Variants in CACNA1C observed in about 807,000 individuals in gnomAD.
The protein encoded by CACNA1C is voltage-dependent L-type calcium channel subunit alpha-1C.
CACNA1C carries 30 observed loss-of-function variants against 229.0 expected under a neutral mutation model. That is an observed-to-expected ratio of 0.13 (90% CI 0.10 to 0.18). CACNA1C has a LOEUF of 0.18. CACNA1C is among the 10% of genes least tolerant of loss of function. The pLI is 1.00. For missense variants in CACNA1C, 1,658 were observed against 2,845.0 expected (o/e 0.58, Z 9.49); for synonymous variants, 1,114 against 1,132.5 (o/e 0.98, Z 0.33).
At chr12:2,545,784 T>A (rs2099879899) in intron 9 of CACNA1C, among the ~76,000 whole-genome samples, 2 of 152,236 alleles carry the variant, frequency 1.3e-5, no homozygotes. Context: ...CTTACTTGCC[T>A]CTCATTCCCA....
chr12:2,206,764 T>C (rs556779666), intron 3 of CACNA1C, among the ~76,000 whole-genome samples: 4 of 152,238 alleles, frequency 2.6e-5, no homozygotes, highest in Non-Finnish European at 5.9e-5. Context: ...ATGCATGTAA[T>C]GGACCCATTG....
chr12:2,670,297 G>A (rs1210618705), intron 38 of CACNA1C, among the ~76,000 whole-genome samples: 3 of 152,146 alleles, frequency 2.0e-5, no homozygotes, highest in Non-Finnish European at 2.9e-5. Flanking sequence ...AACAGAAGGA[G>A]CCCCGGGCAG....
chr12:2,135,593 G>T (rs1419302850), intron 3 of CACNA1C, among the ~76,000 whole-genome samples: 2 of 136,244 alleles, frequency 1.5e-5, no homozygotes, highest in Non-Finnish European at 3.0e-5. Flanking sequence ...GCCCCTGCTG[G>T]GGGGTGCCTC....
chr12:2,010,515 G>T (rs1320393103), intron 1 of CACNA1C, among the ~76,000 whole-genome samples: 1 of 152,164 alleles, frequency 6.6e-6, no homozygotes, highest in Non-Finnish European at 1.5e-5. Flanking sequence ...CCTGGAGGGG[G>T]ACTGGGGTAA....
intron 1 of CACNA1C, among the ~76,000 whole-genome samples, chr12:2,017,651 CT>C (rs2045618800): frequency 7.3e-6 from 1 of 136,862 alleles, no homozygotes; most frequent in Non-Finnish European, 1.6e-5. Flanking sequence ...GTCAATGTAT[CT>C]TTTTTCTGTT....
At chr12:2,072,808 CA>C (rs1449008365) in intron 1 of CACNA1C, among the ~76,000 whole-genome samples, 2 of 152,162 alleles carry the variant, frequency 1.3e-5, no homozygotes, top group African/African-American at 4.8e-5. Flanking sequence ...GAACCGAAGA[CA>C]GGGCAGACTG....
chr12:2,553,935 G>C (rs1300670494), intron 10 of CACNA1C, among the ~76,000 whole-genome samples: 1 of 152,190 alleles, frequency 6.6e-6, no homozygotes, highest in Non-Finnish European at 1.5e-5. Flanking sequence ...TAAGAGCTGT[G>C]GGGGAGAGGA....
At position 2,680,235 on chromosome 12, in the gene CACNA1C, C is replaced by CA. The variant is rs35692616; in HGVS notation, c.5444+439_5444+440insA. 0.089 allele frequency: 59,280 copies of CA among 669,344 alleles called. 6,010 individuals carry two copies. The highest frequency in any genetic ancestry group is 0.38 in the African/African-American group (21,036 of 55,074). 41.5% of individuals were successfully genotyped at this position (669,344 alleles called of 1,614,324 possible). A position where few individuals can be genotyped will look rare whatever the true frequency, so the allele number is the denominator to read the frequency against. ...TGCCAGCCTCCCGGAGAGGGCATCCCCTGTGGGAGGCGCCATCTGTAGCAC... is the reference window on the plus strand; with the variant it reads ...TGCCAGCCTCCCGGAGAGGGCATCCCACTGTGGGAGGCGCCATCTGTAGCAC... On this transcript the variant is annotated intron_variant, in intron 42 of 46. Coordinates refer to ENST00000399655, the MANE Select transcript of CACNA1C (RefSeq NM_000719.7).
chr12:2,156,288 C>G (rs2095551234), intron 3 of CACNA1C, among the ~76,000 whole-genome samples: 1 of 152,054 alleles, frequency 6.6e-6, no homozygotes, highest in African/African-American at 2.4e-5. Flanking sequence ...TCATATGTAC[C>G]TTTTAAATAA....
Position 2,677,212 on chromosome 12 carries a change from G to A in CACNA1C, c.4947G>A (p.Leu1649=), listed in dbSNP as rs765704747. ...GCAAGCCCTCCCAGAGGAACGCGCT[G>A]TCTCTGCAGGTGAGGGCCTGGGGGC... ...LVGKPSQRNA[L]SLQAGLRTLH... The change falls in exon 40 of 47, where the codon CTG becomes CTA. Residue 1649 remains leucine (L), a synonymous_variant. Coordinates refer to ENST00000399655, the MANE Select transcript of CACNA1C (RefSeq NM_000719.7). The surrounding 1 kb of genome is among the most constrained non-coding windows in gnomAD (Gnocchi z 7.4). 14 of 1,613,534 alleles carry A rather than the reference G, an allele frequency of 8.7e-6. No homozygotes were observed. In the East Asian group the frequency reaches 3.1e-4, roughly 36 times the overall value.
chr12:2,184,369 A>G (rs1390455373), intron 3 of CACNA1C, among the ~76,000 whole-genome samples: 1 of 152,210 alleles, frequency 6.6e-6, no homozygotes, highest in Non-Finnish European at 1.5e-5. Context: ...GTTTACCACT[A>G]CAGGGACAGA....
chr12:2,467,168 C>T lies in CACNA1C; in HGVS notation c.757+9462C>T, dbSNP rs2099558029. ...GATGGTCCCTACAACATCTTCTAAG[C>T]CCTTTCCCTCCCACTTCTTTCACTG... On this transcript the variant is annotated intron_variant, in intron 5 of 46. Transcript: ENST00000399655. The surrounding 1 kb of genome is among the most constrained non-coding windows in gnomAD (Gnocchi z 4.6). Among the ~76,000 whole-genome samples, 1 of 152,156 alleles carries T rather than the reference C, an allele frequency of 6.6e-6. No individual in the cohort carries two copies. The highest frequency in any genetic ancestry group is 1.5e-5 in the Non-Finnish European group (1 of 68,026).
intron 9 of CACNA1C, among the ~76,000 whole-genome samples, chr12:2,529,109 CAT>C (rs1199597963): frequency 6.6e-6 from 1 of 152,222 alleles, no homozygotes; most frequent in African/African-American, 2.4e-5. Flanking sequence ...CTTTTAGCTG[CAT>C]ATGTTTTAAA....
rs116285346 is a variant in CACNA1C, at chr12:2,553,604, C to A, written c.1482-3347C>A. 6.7e-3 allele frequency among the ~76,000 whole-genome samples: 1,025 copies of A among 152,346 alleles called. 14 individuals are homozygous for A. The highest frequency in any genetic ancestry group is 0.023 in the African/African-American group (969 of 41,564). ...TGCAGTCAGCCGTATTTTTGGCAGA[C>A]TCTGAAGCCTGAGAGCACTAAAAAG... On this transcript the variant is annotated intron_variant, in intron 10 of 46. Coordinates refer to ENST00000399655, the MANE Select transcript of CACNA1C (RefSeq NM_000719.7).
rs902831268 is a variant in CACNA1C, at chr12:2,410,698, CTGTGTGTGTGTGTGTGCGTGCACGCA to C, written c.478-38265_478-38240del. Among the ~76,000 whole-genome samples the C allele has an allele frequency of 3.1e-5, 4 of 131,112 alleles. No individual in the cohort carries two copies. Among genetic ancestry groups the C allele is most frequent in the Admixed American group, 7.9e-5 (1 of 12,628 alleles). The allele number at this position is 131,112 out of a possible 152,430, so 86.0% of individuals were successfully genotyped here. On this transcript the variant is annotated intron_variant, in intron 3 of 46. Coordinates refer to ENST00000399655, the MANE Select transcript of CACNA1C (RefSeq NM_000719.7). The surrounding 1 kb of genome is among the most constrained non-coding windows in gnomAD (Gnocchi z 5.3). Reference sequence around the variant, plus strand: ...GACTCTAGCTGTGAGGATGGCTCGCCTGTGTGTGTGTGTGTGCGTGCACGCATGTGTGTGTGTGCATGCGTGTGTGT... The same window carrying C: ...GACTCTAGCTGTGAGGATGGCTCGCCTGTGTGTGTGTGCATGCGTGTGTGT...
intron 1 of CACNA1C, among the ~76,000 whole-genome samples, chr12:2,103,793 A>G (rs2154108357): frequency 6.6e-6 from 1 of 152,340 alleles, no homozygotes; most frequent in Non-Finnish European, 1.5e-5. Flanking sequence ...CTTTCCGCAT[A>G]TGGCTAGCCA....
At chr12:2,359,538 A>AT (rs200608699) in intron 3 of CACNA1C, among the ~76,000 whole-genome samples, 5,711 of 143,518 alleles carry the variant, frequency 0.04, 158 homozygotes, top group Non-Finnish European at 0.058. Context: ...TTGGAGCAGG[A>AT]TTTTTTTTTT....
At chr12:2,101,485 C>T (rs920988751) in intron 1 of CACNA1C, among the ~76,000 whole-genome samples, 5 of 152,190 alleles carry the variant, frequency 3.3e-5, no homozygotes, top group African/African-American at 9.6e-5. Context: ...GCTCCATCGT[C>T]GTCCTCACCG....
chr12:2,092,889 G>A (rs1202133528), intron 1 of CACNA1C, among the ~76,000 whole-genome samples: 1 of 152,208 alleles, frequency 6.6e-6, no homozygotes, highest in Non-Finnish European at 1.5e-5. Flanking sequence ...ATTTCAAAAT[G>A]CATCTCTTTC....
Sources: allele counts gnomAD v4.1 joint callset (sites outside exome capture counted in the v4.1 genomes callset), GRCh38; gene constraint gnomAD v4.1.1; non-coding constraint Gnocchi (gnomAD v3.1); transcripts MANE v1.5; gene names NCBI Gene and HGNC (gene_info 2026-07-23, HGNC 2026-07-21).